AHDC1: variants seen among roughly 807,000 people sequenced by gnomAD.
The protein encoded by AHDC1 is AT-hook DNA binding motif containing 1, also known as transcription factor Gibbin.
AHDC1 carries 7 observed loss-of-function variants against 87.9 expected under a neutral mutation model. That is an observed-to-expected ratio of 0.08 (90% CI 0.05 to 0.15). The LOEUF (loss-of-function observed/expected upper bound fraction) is 0.15, where lower values mean the gene tolerates loss of function less well. Ranked by LOEUF, AHDC1 falls within the 10% of genes least tolerant of loss-of-function variation. The pLI, the probability that AHDC1 is intolerant of heterozygous loss-of-function variation, is 1.00. For synonymous variants in AHDC1, 1,051 were observed against 1,006.8 expected (o/e 1.04, Z -0.83); for missense variants, 1,841 against 2,253.2 (o/e 0.82, Z 3.70).
chr1:27,597,682 G>C (rs568333589), intron 3 of AHDC1, among the ~76,000 whole-genome samples: 1 of 152,222 alleles, frequency 6.6e-6, no homozygotes, highest in South Asian at 2.1e-4. Flanking sequence ...CTGGCCTGGG[G>C]GTTTGGGGAG....
In AHDC1 at chr1:27,601,193, T is replaced by G. The variant is rs565626367; in HGVS notation, c.-629+2204A>C. Among the ~76,000 whole-genome samples the G allele has an allele frequency of 3.9e-5, 6 of 152,366 alleles. No homozygotes were observed. In the South Asian group the frequency reaches 1.0e-3, roughly 26 times the overall value. On this transcript the variant is annotated intron_variant, in intron 3 of 8. Coordinates refer to ENST00000673934, the MANE Select transcript of AHDC1 (RefSeq NM_001371928.1). ...CACATTTGTTTCTCTCTATATTATT[T>G]CAAAAGTAACGGCATTAAAAATGGA...
intron 3 of AHDC1, among the ~76,000 whole-genome samples, chr1:27,585,986 T>C (rs2089044310): frequency 6.6e-6 from 1 of 152,200 alleles, no homozygotes; most frequent in Non-Finnish European, 1.5e-5. Context: ...GATATGTCCA[T>C]AGATACTAAG....
In AHDC1 at chr1:27,551,043, G is replaced by A. The variant is rs1358743867; in HGVS notation, c.1073C>T (p.Pro358Leu). 26 of 1,558,606 alleles carry A rather than the reference G, an allele frequency of 1.7e-5. No homozygotes were observed. The highest frequency in any genetic ancestry group is 1.8e-5 in the Non-Finnish European group (21 of 1,155,418). The change falls in exon 8 of 9, where the codon CCA (proline) becomes CTA (leucine). Residue 358 changes from proline (P) to leucine (L), a missense_variant. Pro to Leu is a moderately conservative substitution (Grantham distance 98). This residue lies in a region of AHDC1 where 370 missense variants were observed against 391.5 expected (regional missense o/e 0.95). Coordinates refer to ENST00000673934, the MANE Select transcript of AHDC1 (RefSeq NM_001371928.1). ...LEPQQPLGHC[P>L]LAEPLRLDLC... The stretch of plus-strand genomic sequence containing the variant: ...GTCCAGGCGCAAGGGCTCGGCCAGT[G>A]GGCAGTGCCCCAGGGGCTGCTGGGG...
At chr1:27,596,305 C>G (rs1222675064) in intron 3 of AHDC1, among the ~76,000 whole-genome samples, 2 of 152,086 alleles carry the variant, frequency 1.3e-5, no homozygotes, top group African/African-American at 4.8e-5. Context: ...ATGGTCGAGG[C>G]AGGAGCCTCC....
intron 3 of AHDC1, among the ~76,000 whole-genome samples, chr1:27,564,298 G>A (rs981947329): frequency 1.3e-5 from 2 of 152,128 alleles, no homozygotes; most frequent in African/African-American, 4.8e-5. Context: ...GGGGGGAAGG[G>A]GCCGCAGTGA....
intron 3 of AHDC1, among the ~76,000 whole-genome samples, chr1:27,578,860 C>G (rs2088831043): frequency 6.6e-6 from 1 of 151,802 alleles, no homozygotes. Flanking sequence ...CCATGCCCAG[C>G]TAATTTTTTG....
rs2089296912 is a variant in AHDC1 at position 27,593,984 on chromosome 1, C to A, written c.-629+9413G>T. Among the ~76,000 whole-genome samples the A allele has an allele frequency of 6.6e-6, 1 of 152,118 alleles. No homozygotes were observed. The highest frequency in any genetic ancestry group is 2.4e-5 in the African/African-American group (1 of 41,408). ...TCAGCAAGAGAGGAGGCACGAGGGA[C>A]CTCTAGGAAAGAGAAGGGATTTGGG... On this transcript the variant is annotated intron_variant, in intron 3 of 8. Coordinates refer to ENST00000673934, the MANE Select transcript of AHDC1 (RefSeq NM_001371928.1). The surrounding 1 kb of genome is among the most constrained non-coding windows in gnomAD (Gnocchi z 4.9).
In AHDC1 at chr1:27,598,808, C is replaced by G. The variant is rs1002063371; in HGVS notation, c.-629+4589G>C. 6.6e-6 allele frequency among the ~76,000 whole-genome samples: 1 copy of G among 152,168 alleles called. No individual in the cohort carries two copies. The highest frequency in any genetic ancestry group is 2.4e-5 in the African/African-American group (1 of 41,420). ...AGTGCATCCCAGTGCTCACCGCCTG[C>G]CCAAGCCCCCCAACACCAGCATCCA... On this transcript the variant is annotated intron_variant, in intron 3 of 8. Transcript: ENST00000673934. The surrounding 1 kb of genome is among the most constrained non-coding windows in gnomAD (Gnocchi z 4.2).
In AHDC1 at chr1:27,548,807, C is replaced by T. The variant is rs367721818; in HGVS notation, c.3309G>A (p.Ala1103=). ...GCCGGAAAGGCCACTGAGAAGCCCC[C>T]GCAAACTGCCGACAGTTCTCGGGCG... ...QPSPENCRQF[A]GASQWPFRQG... The change falls in exon 8 of 9, where the codon GCG becomes GCA. Residue 1103 remains alanine (A), a synonymous_variant. Coordinates refer to ENST00000673934, the MANE Select transcript of AHDC1 (RefSeq NM_001371928.1). The T allele has an allele frequency of 6.8e-6, 11 of 1,612,714 alleles. No homozygotes were observed. The highest frequency in any genetic ancestry group is 3.3e-5 in the South Asian group (3 of 91,076).
chr1:27,551,018 G>C lies in AHDC1; in HGVS notation c.1098C>G (p.Asp366Glu). The change falls in exon 8 of 9, where the codon GAC becomes GAG. Residue 366 changes from aspartate to glutamate, a missense_variant. By Grantham distance (45) the Asp-to-Glu change is conservative. Coordinates refer to ENST00000673934, the MANE Select transcript of AHDC1 (RefSeq NM_001371928.1). ...HCPLAEPLRL[D>E]LCSPHGPPGP... The stretch of plus-strand genomic sequence containing the variant: ...CGGGGGGGCCGTGCGGTGAGCACAA[G>C]TCCAGGCGCAAGGGCTCGGCCAGTG... 5 of 1,564,496 alleles carry C rather than the reference G, an allele frequency of 3.2e-6. No homozygotes were observed. Among genetic ancestry groups the C allele is most frequent in the Non-Finnish European group, 4.3e-6 (5 of 1,160,476 alleles).
chr1:27,581,983 C>T (rs556648165), intron 3 of AHDC1, among the ~76,000 whole-genome samples: 2 of 152,314 alleles, frequency 1.3e-5, no homozygotes, highest in East Asian at 3.9e-4. Flanking sequence ...TGTCTCAGGC[C>T]TCCCCTGCTA....
chr1:27,536,863 C>G (rs1007704372), intron 8 of AHDC1, among the ~76,000 whole-genome samples: 1 of 151,880 alleles, frequency 6.6e-6, no homozygotes, highest in Non-Finnish European at 1.5e-5. Context: ...CACCCCCACC[C>G]CCACCCCAGG....
At chr1:27,571,159 C>T (rs1374038301) in intron 3 of AHDC1, among the ~76,000 whole-genome samples, 2 of 152,252 alleles carry the variant, frequency 1.3e-5, no homozygotes, top group East Asian at 1.9e-4. Flanking sequence ...CTTTAGCGAG[C>T]GGTGGTGGAA....
rs149518384 is a variant in AHDC1 at position 27,547,916 on chromosome 1, G to A, written c.4200C>T (p.Pro1400=). 1.9e-4 allele frequency: 297 copies of A among 1,571,868 alleles called. No individual in the cohort carries two copies. The African/African-American group carries it at 3.5e-3, about 19-fold the overall frequency. Reference sequence around the variant, plus strand: ...TGAAGCCCAGTGTAGGCGAGCAGGTGGGCGAGTATGCCTTCTGCAGGCCGG... The same window carrying A: ...TGAAGCCCAGTGTAGGCGAGCAGGTAGGCGAGTATGCCTTCTGCAGGCCGG... The part of the protein sequence containing the change: ...FDAGLQKAYS[P]TCSPTLGFKE... The change falls in exon 8 of 9, where the codon CCC becomes CCT. Residue 1400 remains proline (P), a synonymous_variant. Transcript: ENST00000673934. The surrounding 1 kb of genome is among the most constrained non-coding windows in gnomAD (Gnocchi z 4.9).
At position 27,544,037 on chromosome 1, in the gene AHDC1, A is replaced by G. The variant is rs964410829; in HGVS notation, c.*43+3224T>C. On this transcript the variant is annotated intron_variant, in intron 8 of 8. Transcript: ENST00000673934. ...GCGTGGGGAGATGAGAGGCAGCCAT[A>G]TGGCAGAGCACCCAGGCTCAGGAGG... Among the ~76,000 whole-genome samples the G allele has an allele frequency of 2.0e-5, 3 of 152,130 alleles. No homozygotes were observed. The South Asian group carries it at 6.2e-4, about 32-fold the overall frequency.
Position 27,547,077 on chromosome 1 carries a change from A to C in AHDC1, c.*43+184T>G, listed in dbSNP as rs2019200897. Among the ~76,000 whole-genome samples, 1 of 146,498 alleles carries C rather than the reference A, an allele frequency of 6.8e-6. No homozygotes were observed. Among genetic ancestry groups the C allele is most frequent in the Admixed American group, 6.8e-5 (1 of 14,780 alleles). ...GCTGAGTTCCCAGCCCAAGCACCCC[A>C]TCTCCTCCTGAGACTGTCCGCAACA... On this transcript the variant is annotated intron_variant, in intron 8 of 8. Transcript: ENST00000673934. The surrounding 1 kb of genome is among the most constrained non-coding windows in gnomAD (Gnocchi z 4.9).
chr1:27,587,876 C>T lies in AHDC1; in HGVS notation c.-629+15521G>A, dbSNP rs2089108040. 1.3e-5 allele frequency among the ~76,000 whole-genome samples: 2 copies of T among 152,268 alleles called. 1 individual carries two copies. The highest frequency in any genetic ancestry group is 3.9e-4 in the East Asian group (2 of 5,192). On this transcript the variant is annotated intron_variant, in intron 3 of 8. Coordinates refer to ENST00000673934, the MANE Select transcript of AHDC1 (RefSeq NM_001371928.1). ...AGGTCACTCAGCTCAGGAACTGGAA[C>T]CCCACTGATCCTTAACCCTAATTGA...
chr1:27,575,482 C>G (rs1408660695), intron 3 of AHDC1, among the ~76,000 whole-genome samples: 2 of 152,142 alleles, frequency 1.3e-5, no homozygotes, highest in African/African-American at 4.8e-5. Context: ...CCACCCTCGC[C>G]GCGGAGGCGC....
At chr1:27,564,162 G>A (rs980340008) in intron 3 of AHDC1, among the ~76,000 whole-genome samples, 2 of 152,040 alleles carry the variant, frequency 1.3e-5, no homozygotes, top group Admixed American at 1.3e-4. Flanking sequence ...CAGGGAACAG[G>A]CCCAGCCTGC....
Sources: allele counts gnomAD v4.1 joint callset (sites outside exome capture counted in the v4.1 genomes callset), GRCh38; gene constraint gnomAD v4.1.1; regional missense constraint gnomAD v4.1.1; non-coding constraint Gnocchi (gnomAD v3.1); transcripts MANE v1.5; gene names NCBI Gene and HGNC (gene_info 2026-07-23, HGNC 2026-07-21).